Variants in TLK1 observed in about 807,000 individuals in gnomAD.
TLK1 encodes serine/threonine-protein kinase tousled-like 1.
Under a neutral mutation model 105.3 loss-of-function variants are expected in TLK1, and 24 were observed. That is an observed-to-expected ratio of 0.23 (90% CI 0.17 to 0.32). TLK1 has a LOEUF of 0.32. Ranked by LOEUF, TLK1 falls within the 10% of genes least tolerant of loss-of-function variation. TLK1 has a pLI of 1.00. For synonymous variants in TLK1, 321 were observed against 310.4 expected, an observed-to-expected ratio of 1.03 and a Z score of -0.36; for missense variants, 558 against 910.5, an observed-to-expected ratio of 0.61 and a Z score of 4.98.
intron 1 of TLK1, among the ~76,000 whole-genome samples, chr2:171,195,056 C>G (rs549404896): frequency 6.6e-6 from 1 of 152,092 alleles, no homozygotes; most frequent in Non-Finnish European, 1.5e-5. Context: ...CAAAATTTCT[C>G]TGATATGCAT....
intron 2 of TLK1, among the ~76,000 whole-genome samples, chr2:171,108,039 AGAGT>A (rs1364300847): frequency 1.3e-5 from 2 of 150,378 alleles, no homozygotes; most frequent in Non-Finnish European, 1.5e-5. Context: ...CCTGGGTGAC[AGAGT>A]GAGACCCCTC....
Position 171,137,623 on chromosome 2 carries a change from C to T in TLK1, c.140-19766G>A, listed in dbSNP as rs961117705. Among the ~76,000 whole-genome samples the T allele has an allele frequency of 4.6e-5, 7 of 152,028 alleles. No individual in the cohort carries two copies. In the East Asian group the frequency reaches 9.7e-4, roughly 21 times the overall value. On this transcript the variant is annotated intron_variant, in intron 1 of 20. Coordinates refer to ENST00000431350, the MANE Select transcript of TLK1 (RefSeq NM_012290.5). ...TAACACTTTGGGAGGCTAACGTGGG[C>T]GGATTGCCTGAGCTCAGGAGTTCGC...
At chr2:171,160,920 C>T (rs1343788869), upstream of TLK1, 4 of 240,992 alleles carry the variant, frequency 1.7e-5, no homozygotes, top group Middle Eastern at 1.3e-3. The surrounding 1 kb of genome is among the most constrained non-coding windows in gnomAD (Gnocchi z 4.4). Flanking sequence ...GGCGGCGTCA[C>T]GCGCCGCCTG....
chr2:171,229,757 G>T (rs1693960011), intron 1 of TLK1, among the ~76,000 whole-genome samples: 1 of 152,198 alleles, frequency 6.6e-6, no homozygotes, highest in South Asian at 2.1e-4. Context: ...CTCCGCCTAA[G>T]AACACAGACA....
chr2:171,211,588 C>T (rs193071995), intron 1 of TLK1, among the ~76,000 whole-genome samples: 28 of 151,934 alleles, frequency 1.8e-4, no homozygotes, highest in African/African-American at 6.3e-4. Flanking sequence ...CTTGCGCTGT[C>T]GCCCAGGCTG....
chr2:171,146,381 G>A (rs780877754), intron 1 of TLK1, among the ~76,000 whole-genome samples: 1 of 152,100 alleles, frequency 6.6e-6, no homozygotes, highest in Admixed American at 6.6e-5. Flanking sequence ...CACAAGAGGT[G>A]CCTCTCTCAA....
Position 171,160,590 on chromosome 2 carries a change from G to A in TLK1, c.-162C>T. 3 of 1,153,420 alleles carry A rather than the reference G, an allele frequency of 2.6e-6. No homozygotes were observed. Among genetic ancestry groups the A allele is most frequent in the East Asian group, 2.8e-5 (1 of 35,620 alleles). 71.4% of individuals were successfully genotyped at this position (1,153,420 alleles called of 1,614,324 possible). On this transcript the variant is annotated 5_prime_UTR_variant, in exon 1 of 21. Coordinates refer to ENST00000431350, the MANE Select transcript of TLK1 (RefSeq NM_012290.5). This position sits in a 1 kb window ranked among gnomAD's most constrained non-coding sequence, Gnocchi z 4.4. Reference sequence around the variant, plus strand: ...GATGGGGGAGGAAACCGAGAAGAGGGGAGGTGGGGAGGAAAGAGGTGAGGG... The same window carrying A: ...GATGGGGGAGGAAACCGAGAAGAGGAGAGGTGGGGAGGAAAGAGGTGAGGG...
chr2:171,026,735 G>A (rs1187697834), intron 12 of TLK1, among the ~76,000 whole-genome samples: 2 of 151,982 alleles, frequency 1.3e-5, no homozygotes, highest in East Asian at 3.9e-4. Context: ...AGTTTAAGTG[G>A]GCACACAGAT....
At chr2:171,019,376 A>C (rs996192577) in intron 12 of TLK1, among the ~76,000 whole-genome samples, 2 of 152,216 alleles carry the variant, frequency 1.3e-5, no homozygotes, top group Non-Finnish European at 2.9e-5. Flanking sequence ...ATGGTAGGTG[A>C]ATCTGGAGTA....
At chr2:171,214,042 A>C (rs1693669268) in intron 1 of TLK1, among the ~76,000 whole-genome samples, 1 of 151,324 alleles carries the variant, frequency 6.6e-6, no homozygotes, top group South Asian at 2.1e-4. Flanking sequence ...GAAAATTTTT[A>C]ATGAAAAAAA....
chr2:171,155,293 T>C (rs530658939), intron 1 of TLK1, among the ~76,000 whole-genome samples: 3 of 152,324 alleles, frequency 2.0e-5, no homozygotes, highest in African/African-American at 7.2e-5. Flanking sequence ...TGCTGAAATA[T>C]ATTACAACTC....
At chr2:171,199,485 C>T (rs1693356765) in intron 1 of TLK1, among the ~76,000 whole-genome samples, 1 of 150,870 alleles carries the variant, frequency 6.6e-6, no homozygotes, top group Non-Finnish European at 1.5e-5. Flanking sequence ...CACACTCTGT[C>T]CTGGGTGACA....
chr2:171,223,379 T>C (rs899174855), intron 1 of TLK1, among the ~76,000 whole-genome samples: 21 of 152,228 alleles, frequency 1.4e-4, no homozygotes, highest in Admixed American at 1.3e-4. Flanking sequence ...TAGTTTTGAT[T>C]TGCATTTATC....
rs1026855624 is a variant in TLK1, at chr2:171,053,729, A to T, written c.732+32T>A. On this transcript the variant is annotated intron_variant, in intron 8 of 20. Coordinates refer to ENST00000431350, the MANE Select transcript of TLK1 (RefSeq NM_012290.5). ...TTGACTGTTGCCAAATAATTTATTCAATTTTTTTCCCCTCTATGACTCATT... is the reference window on the plus strand; with the variant it reads ...TTGACTGTTGCCAAATAATTTATTCTATTTTTTTCCCCTCTATGACTCATT... The T allele has an allele frequency of 2.0e-6, 3 of 1,493,940 alleles. No homozygotes were observed. The African/African-American group carries it at 4.3e-5, about 21-fold the overall frequency. The allele number at this position is 1,493,940 out of a possible 1,614,324, so 92.5% of individuals were successfully genotyped here. A position where few individuals can be genotyped will look rare whatever the true frequency, so the allele number is the denominator to read the frequency against.
At chr2:171,169,673 T>C (rs1692688952) in intron 1 of TLK1, among the ~76,000 whole-genome samples, 1 of 152,170 alleles carries the variant, frequency 6.6e-6, no homozygotes, top group East Asian at 1.9e-4. Flanking sequence ...TTTCCAAACG[T>C]TTTATAGGAA....
intron 8 of TLK1, among the ~76,000 whole-genome samples, chr2:171,050,526 T>C (rs2114595): frequency 0.57 from 86,344 of 152,000 alleles, 26,614 homozygotes; most frequent in East Asian, 0.95. Flanking sequence ...TAAAATATGG[T>C]ATATAAAGTG....
intron 8 of TLK1, among the ~76,000 whole-genome samples, chr2:171,051,645 A>T (rs1687244440): frequency 6.6e-6 from 1 of 151,814 alleles, no homozygotes; most frequent in Admixed American, 6.6e-5. Context: ...CTTGAAAAAT[A>T]AGCTTCTATC....
intron 2 of TLK1, among the ~76,000 whole-genome samples, chr2:171,112,152 A>C (rs748103100): frequency 6.6e-6 from 1 of 152,166 alleles, no homozygotes; most frequent in Non-Finnish European, 1.5e-5. Flanking sequence ...GGGTTTCACC[A>C]TATTGGCCAG....
chr2:171,080,722 T>C (rs1053558435), intron 3 of TLK1, among the ~76,000 whole-genome samples: 3 of 151,970 alleles, frequency 2.0e-5, no homozygotes, highest in South Asian at 2.1e-4. Flanking sequence ...TTTTTTTTTT[T>C]CTTAAGACAG....
Sources: allele counts gnomAD v4.1 joint callset (sites outside exome capture counted in the v4.1 genomes callset), GRCh38; gene constraint gnomAD v4.1.1; non-coding constraint Gnocchi (gnomAD v3.1); transcripts MANE v1.5; gene names NCBI Gene and HGNC (gene_info 2026-07-23, HGNC 2026-07-21).